The following CFAP299 variants were observed in gnomAD, a reference collection of about 807,000 sequenced individuals.
CFAP299 encodes the protein cilia- and flagella-associated protein 299.
Under a neutral mutation model 27.0 loss-of-function variants are expected in CFAP299, and 21 were observed. That is an observed-to-expected ratio of 0.78 (90% CI 0.55 to 1.12). The LOEUF is 1.12. Among genes scored for constraint, CFAP299 ranks in the 50% most tolerant of loss-of-function variants. The probability of loss-of-function intolerance (pLI) is 0.00; values close to 1 mark genes in which losing one functional copy is unlikely to be tolerated. For missense variants in CFAP299, 310 were observed against 276.6 expected, an observed-to-expected ratio of 1.12 and a Z score of -0.86; for synonymous variants, 104 against 98.1, an observed-to-expected ratio of 1.06 and a Z score of -0.36.
At chr4:80,808,035 A>C (rs1041975417) in intron 3 of CFAP299, among the ~76,000 whole-genome samples, 1 of 150,580 alleles carries the variant, frequency 6.6e-6, no homozygotes, top group Non-Finnish European at 1.5e-5. Context: ...AGAGTTAAAA[A>C]AAAAACAAAG....
intron 3 of CFAP299, among the ~76,000 whole-genome samples, chr4:80,850,283 T>C (rs1401542955): frequency 2.6e-5 from 4 of 151,814 alleles, no homozygotes; most frequent in Middle Eastern, 3.2e-3. Flanking sequence ...GTGGAAAAGA[T>C]ACATATTAGA....
chr4:80,520,522 C>T (rs1732857123), intron 2 of CFAP299, among the ~76,000 whole-genome samples: 1 of 152,142 alleles, frequency 6.6e-6, no homozygotes, highest in Non-Finnish European at 1.5e-5. Flanking sequence ...TCTAAGGTGC[C>T]ATCATTAAAC....
At chr4:80,590,473 C>T (rs1016777520) in intron 3 of CFAP299, among the ~76,000 whole-genome samples, 1 of 152,080 alleles carries the variant, frequency 6.6e-6, no homozygotes, top group Non-Finnish European at 1.5e-5. Context: ...CCTGTCTCTA[C>T]TAAAAATACA....
At chr4:80,858,523 C>T (rs543823730) in intron 3 of CFAP299, among the ~76,000 whole-genome samples, 20 of 152,098 alleles carry the variant, frequency 1.3e-4, no homozygotes, top group Admixed American at 8.5e-4. Flanking sequence ...TTGGATCTTT[C>T]CTGCTTTCTC....
chr4:80,767,678 A>G (rs1216658761), intron 3 of CFAP299, among the ~76,000 whole-genome samples: 1 of 152,212 alleles, frequency 6.6e-6, no homozygotes, highest in Non-Finnish European at 1.5e-5. Flanking sequence ...TCAGTTGACC[A>G]TGGGTAACAG....
At chr4:80,551,580 A>C (rs1734513867) in intron 2 of CFAP299, among the ~76,000 whole-genome samples, 1 of 152,134 alleles carries the variant, frequency 6.6e-6, no homozygotes, top group Admixed American at 6.5e-5. Flanking sequence ...AAATAGTAAG[A>C]TATATAATAG....
At chr4:80,590,105 C>T (rs1033119472) in intron 3 of CFAP299, among the ~76,000 whole-genome samples, 5 of 151,716 alleles carry the variant, frequency 3.3e-5, no homozygotes, top group African/African-American at 1.2e-4. Flanking sequence ...GGAATTAATG[C>T]AAAAAATATA....
intron 2 of CFAP299, among the ~76,000 whole-genome samples, chr4:80,458,138 G>T (rs1729257563): frequency 6.6e-6 from 1 of 152,072 alleles, no homozygotes; most frequent in African/African-American, 2.4e-5. Flanking sequence ...GGGAAAAATG[G>T]AAAAACAATA....
At chr4:80,676,595 A>G (rs1719474179) in intron 3 of CFAP299, among the ~76,000 whole-genome samples, 1 of 152,052 alleles carries the variant, frequency 6.6e-6, no homozygotes. Flanking sequence ...CTTTTCTCTG[A>G]GGAAAGACTT....
intron 3 of CFAP299, among the ~76,000 whole-genome samples, chr4:80,716,591 G>T (rs1578052816): frequency 6.6e-6 from 1 of 151,974 alleles, no homozygotes; most frequent in Non-Finnish European, 1.5e-5. Context: ...TAACAAGCTA[G>T]ATGATTTGGC....
chr4:80,958,323 T>C (rs1387305642), intron 5 of CFAP299, among the ~76,000 whole-genome samples: 1 of 152,194 alleles, frequency 6.6e-6, no homozygotes, highest in Admixed American at 6.6e-5. Context: ...TGAACATTGT[T>C]TTCAAACATG....
chr4:80,341,820 G>A (rs1226561266), intron 1 of CFAP299, among the ~76,000 whole-genome samples: 1 of 152,226 alleles, frequency 6.6e-6, no homozygotes, highest in Admixed American at 6.5e-5. Flanking sequence ...GGCTGAGGCT[G>A]AGCTGCCTGA....
intron 3 of CFAP299, among the ~76,000 whole-genome samples, chr4:80,679,804 A>G (rs1166812621): frequency 6.7e-6 from 1 of 149,024 alleles, no homozygotes; most frequent in African/African-American, 2.5e-5. Context: ...TTGCTACTTC[A>G]CTGTTGAGTT....
intron 4 of CFAP299, among the ~76,000 whole-genome samples, chr4:80,930,026 G>T (rs948928006): frequency 1.3e-5 from 2 of 152,126 alleles, no homozygotes; most frequent in African/African-American, 4.8e-5. Context: ...CTGCAGGATG[G>T]TTGCATCACC....
At chr4:80,881,223 G>A (rs1428408979) in intron 4 of CFAP299, among the ~76,000 whole-genome samples, 1 of 152,168 alleles carries the variant, frequency 6.6e-6, no homozygotes, top group Non-Finnish European at 1.5e-5. Flanking sequence ...CCAAGGAAAG[G>A]GGAGGGCAGC....
chr4:80,840,639 T>G (rs963677199), intron 3 of CFAP299, among the ~76,000 whole-genome samples: 3 of 152,090 alleles, frequency 2.0e-5, no homozygotes, highest in African/African-American at 7.2e-5. Context: ...TTTGTTTTGA[T>G]TTTTTTCCCC....
At chr4:80,658,845 A>T (rs1740690652) in intron 3 of CFAP299, among the ~76,000 whole-genome samples, 1 of 152,156 alleles carries the variant, frequency 6.6e-6, no homozygotes, top group Admixed American at 6.6e-5. Context: ...CATAGACAAG[A>T]TGGAAGCTGA....
intron 3 of CFAP299, among the ~76,000 whole-genome samples, chr4:80,720,749 C>G (rs1390077107): frequency 6.6e-6 from 1 of 151,850 alleles, no homozygotes; most frequent in African/African-American, 2.4e-5. Context: ...AAAATGCTAC[C>G]CATAATAAAT....
At chr4:80,632,293 GTTA>G (rs34281170) in intron 3 of CFAP299, among the ~76,000 whole-genome samples, 89,753 of 151,712 alleles carry the variant, frequency 0.59, 31,107 homozygotes, top group Non-Finnish European at 0.76. Context: ...TATGCTTTAA[GTTA>G]TTATTAAAAA....
Sources: gnomAD v4.1 joint callset for allele counts (sites outside exome capture counted in the v4.1 genomes callset) on GRCh38, gnomAD v4.1.1 for gene constraint, MANE v1.5 for transcripts, NCBI Gene and HGNC (gene_info 2026-07-23, HGNC 2026-07-21) for gene names.